The following CCSER1 variants were observed in gnomAD, a reference collection of about 807,000 sequenced individuals.
CCSER1 encodes the protein serine-rich coiled-coil domain-containing protein 1.
In CCSER1, 41 loss-of-function variants were observed where a neutral mutation model predicts 82.0. The ratio of observed to expected loss-of-function variants is 0.50; its 90% CI spans 0.39 to 0.65. The LOEUF (loss-of-function observed/expected upper bound fraction) is 0.65. CCSER1 is among the 30% of genes least tolerant of loss of function. The probability of loss-of-function intolerance (pLI) is 0.00; values close to 1 mark genes in which losing one functional copy is unlikely to be tolerated. For synonymous variants in CCSER1, 414 were observed against 383.9 expected (o/e 1.08, Z -0.92); for missense variants, 1,119 against 1,064.2 (o/e 1.05, Z -0.72).
intron 10 of CCSER1, among the ~76,000 whole-genome samples, chr4:91,248,828 T>G (rs1740027111): frequency 6.6e-6 from 1 of 152,190 alleles, no homozygotes; most frequent in African/African-American, 2.4e-5. Flanking sequence ...AAGATATTAT[T>G]GTGGATACTG....
intron 5 of CCSER1, among the ~76,000 whole-genome samples, chr4:90,545,244 C>T (rs1434623146): frequency 1.3e-5 from 2 of 152,070 alleles, no homozygotes; most frequent in African/African-American, 2.4e-5. Context: ...TTACTTCCCT[C>T]ATGCATACAT....
chr4:91,305,181 T>C (rs1311814590), intron 10 of CCSER1, among the ~76,000 whole-genome samples: 2 of 152,100 alleles, frequency 1.3e-5, no homozygotes, highest in South Asian at 4.1e-4. Flanking sequence ...AGATTGTTTA[T>C]AGAATCATTC....
At chr4:91,421,149 G>A (rs931756960) in intron 10 of CCSER1, among the ~76,000 whole-genome samples, 1 of 152,122 alleles carries the variant, frequency 6.6e-6, no homozygotes, top group African/African-American at 2.4e-5. Context: ...TAGCATGGGT[G>A]GTGTGTTAGC....
chr4:91,307,361 C>CA lies in CCSER1; in HGVS notation c.2217+221367_2217+221368insA, dbSNP rs34170561. Among the ~76,000 whole-genome samples the CA allele has an allele frequency of 2.4e-4, 37 of 151,560 alleles. No individual in the cohort carries two copies. The East Asian group carries it at 7.2e-3, about 30-fold the overall frequency. ...CCTTTCAAGAACTTTTTCTATGATG[C>CA]TTTTTTTTCTTTAGTCCCTAGAGAA... On this transcript the variant is annotated intron_variant, in intron 10 of 10. Coordinates refer to ENST00000509176, the MANE Select transcript of CCSER1 (RefSeq NM_001145065.2).
chr4:90,806,826 T>G (rs967858503), intron 7 of CCSER1, among the ~76,000 whole-genome samples: 1 of 151,892 alleles, frequency 6.6e-6, no homozygotes, highest in African/African-American at 2.4e-5. Flanking sequence ...TTAGTAGGAA[T>G]CAAGGTTTGA....
intron 9 of CCSER1, among the ~76,000 whole-genome samples, chr4:90,980,520 A>G (rs1736016451): frequency 1.3e-5 from 2 of 151,878 alleles, no homozygotes; most frequent in South Asian, 4.1e-4. Flanking sequence ...TGAATTCTTG[A>G]TGAACAATAA....
intron 9 of CCSER1, among the ~76,000 whole-genome samples, chr4:90,967,462 A>AG (rs1734681994): frequency 2.0e-5 from 3 of 152,050 alleles, no homozygotes; most frequent in Admixed American, 2.0e-4. Context: ...GAAAAAAAAA[A>AG]GTATTTTCAA....
intron 10 of CCSER1, among the ~76,000 whole-genome samples, chr4:91,448,708 GC>G (rs1755708234): frequency 6.6e-6 from 1 of 151,958 alleles, no homozygotes; most frequent in Non-Finnish European, 1.5e-5. Flanking sequence ...TTTATGATAT[GC>G]CATATATTAT....
At chr4:90,920,904 A>G (rs1463252203) in intron 8 of CCSER1, among the ~76,000 whole-genome samples, 1 of 151,846 alleles carries the variant, frequency 6.6e-6, no homozygotes, top group Non-Finnish European at 1.5e-5. Context: ...AACTGATAAT[A>G]ATTTTAGTCA....
intron 10 of CCSER1, among the ~76,000 whole-genome samples, chr4:91,585,799 A>C (rs1763961429): frequency 6.6e-6 from 1 of 151,544 alleles, no homozygotes. Context: ...TTAAAGAAAA[A>C]ATTGTCCTAG....
chr4:91,563,003 C>A (rs1762723639), intron 10 of CCSER1, among the ~76,000 whole-genome samples: 1 of 151,452 alleles, frequency 6.6e-6, no homozygotes, highest in Non-Finnish European at 1.5e-5. Context: ...TAATTTTAAA[C>A]CTGAGCAGGC....
At chr4:90,507,307 C>CA (rs370681733) in intron 5 of CCSER1, among the ~76,000 whole-genome samples, 7,069 of 118,044 alleles carry the variant, frequency 0.06, 225 homozygotes, top group African/African-American at 0.12. Flanking sequence ...CTGAAAAATG[C>CA]AAAAAAAAAA....
intron 10 of CCSER1, among the ~76,000 whole-genome samples, chr4:91,361,352 G>T (rs1394990717): frequency 6.6e-6 from 1 of 151,702 alleles, no homozygotes; most frequent in Non-Finnish European, 1.5e-5. Context: ...ATGGACTGGA[G>T]GCATGAGAAA....
chr4:91,550,634 A>ATATT lies in CCSER1; in HGVS notation c.2218-47935_2218-47932dup, dbSNP rs370101572. ...TTTGTAATGTTTTAAGAAGAGAATT[A>ATATT]TATTTAAAATTGAGAGCTTCTTGGG... On this transcript the variant is annotated intron_variant, in intron 10 of 10. Coordinates refer to ENST00000509176, the MANE Select transcript of CCSER1 (RefSeq NM_001145065.2). Among the ~76,000 whole-genome samples, 193 of 152,338 alleles carry ATATT rather than the reference A, an allele frequency of 1.3e-3. 1 individual carries two copies. The highest frequency in any genetic ancestry group is 4.5e-3 in the African/African-American group (188 of 41,580).
intron 3 of CCSER1, among the ~76,000 whole-genome samples, chr4:90,385,522 C>T (rs1018185499): frequency 4.0e-5 from 6 of 148,700 alleles, no homozygotes; most frequent in South Asian, 2.2e-4. Context: ...TGCAGTGGCG[C>T]GATCTCTGCT....
chr4:90,861,660 C>T (rs927202081), intron 8 of CCSER1, among the ~76,000 whole-genome samples: 12 of 151,662 alleles, frequency 7.9e-5, no homozygotes, highest in Middle Eastern at 3.4e-3. Context: ...AAAAAGCATA[C>T]AAAATTCTTG....
intron 10 of CCSER1, among the ~76,000 whole-genome samples, chr4:91,164,409 TG>T: frequency 6.6e-6 from 1 of 152,156 alleles, no homozygotes. Context: ...TTATGTGTCT[TG>T]GGGTTGCTCT....
intron 10 of CCSER1, among the ~76,000 whole-genome samples, chr4:91,116,655 C>G (rs1157509771): frequency 1.3e-5 from 2 of 152,106 alleles, no homozygotes; most frequent in African/African-American, 4.8e-5. Context: ...GTTGTTGCTG[C>G]TGGTGGTGGT....
chr4:91,518,974 T>C (rs1280414492), intron 10 of CCSER1, among the ~76,000 whole-genome samples: 2 of 152,206 alleles, frequency 1.3e-5, no homozygotes, highest in African/African-American at 4.8e-5. Context: ...TTCCAGCGTA[T>C]TGACTAGGTC....
Sources: allele counts gnomAD v4.1 joint callset (sites outside exome capture counted in the v4.1 genomes callset), GRCh38; gene constraint gnomAD v4.1.1; transcripts MANE v1.5; gene names NCBI Gene and HGNC (gene_info 2026-07-23, HGNC 2026-07-21).